LAMC1: variants seen among roughly 807,000 people sequenced by gnomAD.
LAMC1 encodes laminin subunit gamma-1.
In LAMC1, 38 loss-of-function variants were observed where a neutral mutation model predicts 173.6. The observed-to-expected ratio is 0.22, with a 90% CI of 0.17 to 0.29. LAMC1 has a LOEUF of 0.29. LAMC1 is among the 10% of genes least tolerant of loss of function. The probability of loss-of-function intolerance (pLI) is 1.00; values close to 1 mark genes in which losing one functional copy is unlikely to be tolerated. For missense variants in LAMC1, 1,824 were observed against 2,051.8 expected (o/e 0.89, Z 2.14); for synonymous variants, 746 against 749.1 (o/e 1.00, Z 0.07).
chr1:183,103,250 C>A, intron 1 of LAMC1, 78 bp from the exon 2 acceptor site: 2 of 1,353,844 alleles, frequency 1.5e-6, no homozygotes, highest in Non-Finnish European at 2.0e-6. Context: ...TTGTCAAGTT[C>A]CAAACTAAGC....
intron 1 of LAMC1, among the ~76,000 whole-genome samples, chr1:183,069,418 G>A (rs1320505121): frequency 6.6e-6 from 1 of 152,152 alleles, no homozygotes; most frequent in African/African-American, 2.4e-5. Context: ...AATGTCCTAT[G>A]TCTGTGCACT....
intron 1 of LAMC1, among the ~76,000 whole-genome samples, chr1:183,067,984 A>C (rs1654919184): frequency 5.3e-5 from 8 of 152,176 alleles, no homozygotes; most frequent in Admixed American, 5.2e-4. Flanking sequence ...GCTTCGGATA[A>C]ATCTCCCAGA....
At chr1:183,098,894 T>C (rs1655760656) in intron 1 of LAMC1, among the ~76,000 whole-genome samples, 1 of 152,212 alleles carries the variant, frequency 6.6e-6, no homozygotes, top group Non-Finnish European at 1.5e-5. Context: ...TTTCCCTCTC[T>C]GCTGACTCAA....
intron 1 of LAMC1, among the ~76,000 whole-genome samples, chr1:183,093,506 C>T (rs1377186811): frequency 6.6e-6 from 1 of 152,094 alleles, no homozygotes; most frequent in Non-Finnish European, 1.5e-5. Flanking sequence ...TTGGTATGTC[C>T]CGAGACCCAG....
chr1:183,116,074 G>A (rs1421526928), intron 6 of LAMC1, among the ~76,000 whole-genome samples: 1 of 151,260 alleles, frequency 6.6e-6, no homozygotes, highest in Non-Finnish European at 1.5e-5. Context: ...AGCTTGCAGT[G>A]AGCCGAGATC....
chr1:183,125,109 A>G (rs976644650), intron 14 of LAMC1: 5 of 594,040 alleles, frequency 8.4e-6, no homozygotes, highest in African/African-American at 7.4e-5. Flanking sequence ...ATACTAATGT[A>G]TTTTATTTAA....
intron 1 of LAMC1, among the ~76,000 whole-genome samples, chr1:183,026,743 T>C (rs958853115): frequency 6.6e-6 from 1 of 152,214 alleles, no homozygotes; most frequent in African/African-American, 2.4e-5. Flanking sequence ...CTAGCCTTTC[T>C]TTTGATGTTG....
chr1:183,062,419 G>A (rs1020408081), intron 1 of LAMC1, among the ~76,000 whole-genome samples: 4 of 152,188 alleles, frequency 2.6e-5, no homozygotes, highest in African/African-American at 9.7e-5. Flanking sequence ...TGTATTAGGT[G>A]AGGTGCATGG....
Position 183,135,646 on chromosome 1 carries a change from A to G in LAMC1, c.4114+490A>G, listed in dbSNP as rs150164555. Among the ~76,000 whole-genome samples the G allele has an allele frequency of 6.8e-3, 1,039 of 152,230 alleles. 14 individuals are homozygous for G. Among genetic ancestry groups the G allele is most frequent in the Middle Eastern group, 0.024 (7 of 294 alleles). ...TGGCCTGTAATCCCAACACTTCGGG[A>G]GGAAGGATCACTGGAGGCCAGGAGT... On this transcript the variant is annotated intron_variant, in intron 24 of 27. Coordinates refer to ENST00000258341, the MANE Select transcript of LAMC1 (RefSeq NM_002293.4).
chr1:183,062,636 CTCTG>C (rs754507389), intron 1 of LAMC1, among the ~76,000 whole-genome samples: 1 of 151,698 alleles, frequency 6.6e-6, no homozygotes, highest in Non-Finnish European at 1.5e-5. Flanking sequence ...CAGAGCGAGA[CTCTG>C]TCTAAAAAAA....
intron 2 of LAMC1, among the ~76,000 whole-genome samples, chr1:183,107,896 C>G (rs1037311623): frequency 3.3e-5 from 5 of 152,090 alleles, no homozygotes; most frequent in Non-Finnish European, 5.9e-5. Flanking sequence ...TGTGGTGCCC[C>G]ATGAGCTCTA....
intron 14 of LAMC1, chr1:183,125,169 A>G (rs1253278338): frequency 3.7e-5 from 22 of 595,798 alleles, no homozygotes; most frequent in Non-Finnish European, 5.9e-5. Flanking sequence ...TTGTTAATGA[A>G]ATATATGTTT....
Position 183,108,323 on chromosome 1 carries a change from C to A in LAMC1, c.771C>A (p.Asn257Lys), listed in dbSNP as rs1656048059. ...TCAGAGTAACTCTTAATCGCCTGAA[C>A]ACTTTTGGAGATGAAGTGTTTAACG... is the stretch of plus-strand genomic sequence containing the variant. ...TDIRVTLNRLNTFGDEVFNDP... is the reference protein window; with the variant it reads ...TDIRVTLNRLKTFGDEVFNDP... The change falls in exon 3 of 28, where the codon AAC (asparagine) becomes AAA (lysine). Residue 257 changes from asparagine to lysine, a missense_variant. Asn to Lys is a moderately conservative substitution (Grantham distance 94). Transcript: ENST00000258341. 1.2e-6 allele frequency: 2 copies of A among 1,613,262 alleles called. No individual in the cohort carries two copies. The highest frequency in any genetic ancestry group is 1.7e-6 in the Non-Finnish European group (2 of 1,179,438).
intron 1 of LAMC1, among the ~76,000 whole-genome samples, chr1:183,093,544 C>A (rs1280936835): frequency 6.6e-6 from 1 of 152,132 alleles, no homozygotes; most frequent in Non-Finnish European, 1.5e-5. Flanking sequence ...TATCTATGTC[C>A]ATTCCCTAGT....
At chr1:183,131,194 A>T in intron 19 of LAMC1, 105 bp from the exon 20 acceptor site, 4 of 663,792 alleles carry the variant, frequency 6.0e-6, no homozygotes, top group East Asian at 2.8e-5. Context: ...AAAAAAAGGT[A>T]GAGGCATTCT....
At chr1:183,068,670 G>A (rs559007315) in intron 1 of LAMC1, among the ~76,000 whole-genome samples, 24 of 152,190 alleles carry the variant, frequency 1.6e-4, no homozygotes, top group Non-Finnish European at 2.2e-4. Context: ...GGCTGGGCAC[G>A]GTAGCTCATG....
At chr1:183,135,265 T>A (rs1373328194) in intron 24 of LAMC1, 109 bp downstream of exon 24, 1 of 680,460 alleles carries the variant, frequency 1.5e-6, no homozygotes, top group African/African-American at 1.8e-5. Flanking sequence ...CTCCCTACTT[T>A]TTTTATGCTA....
chr1:183,114,373 CTTG>C (rs1656257496), intron 4 of LAMC1, among the ~76,000 whole-genome samples, 155 bp from the exon 5 acceptor site: 2 of 152,268 alleles, frequency 1.3e-5, no homozygotes, highest in Admixed American at 6.5e-5. Context: ...ACCTGACCTT[CTTG>C]TTGTTGTTAA....
intron 1 of LAMC1, among the ~76,000 whole-genome samples, chr1:183,074,915 A>G (rs1039836024): frequency 5.3e-5 from 8 of 152,060 alleles, no homozygotes; most frequent in African/African-American, 1.7e-4. Flanking sequence ...ATTGGCCTTC[A>G]TCTCATTTAG....
Sources: gnomAD v4.1 joint callset for allele counts (sites outside exome capture counted in the v4.1 genomes callset) on GRCh38, gnomAD v4.1.1 for gene constraint, MANE v1.5 for transcripts, NCBI Gene and HGNC (gene_info 2026-07-23, HGNC 2026-07-21) for gene names.